TTC33: variants seen among roughly 807,000 people sequenced by gnomAD.
TTC33 encodes the protein tetratricopeptide repeat protein 33.
A neutral mutation model predicts 29.4 loss-of-function variants in TTC33; 24 were observed. That is an observed-to-expected ratio of 0.82 (90% CI 0.59 to 1.15). The LOEUF is 1.15. TTC33 is among the 50% of genes most tolerant of loss of function. TTC33 has a pLI of 0.00. For synonymous variants in TTC33, 107 were observed against 100.3 expected (o/e 1.07, Z -0.40); for missense variants, 286 against 310.4 (o/e 0.92, Z 0.59).
Position 40,730,250 on chromosome 5 carries a change from C to A in TTC33, c.303+12G>T. On this transcript the variant is annotated intron_variant, in intron 3 of 4. Coordinates refer to ENST00000337702, the MANE Select transcript of TTC33 (RefSeq NM_012382.3). ...ATTTCATAAGGAAAGTGAAATTCTT[C>A]ATAATTATTACCTGTGATTTCATCT... 1.3e-6 allele frequency: 2 copies of A among 1,587,038 alleles called. No individual in the cohort carries two copies. Among genetic ancestry groups the A allele is most frequent in the Non-Finnish European group, 1.7e-6 (2 of 1,161,438 alleles).
chr5:40,736,018 C>T (rs1742542273), intron 2 of TTC33, among the ~76,000 whole-genome samples: 1 of 152,024 alleles, frequency 6.6e-6, no homozygotes, highest in African/African-American at 2.4e-5. Flanking sequence ...GTTTGCATGC[C>T]AGCAAGAAGG....
intron 4 of TTC33, among the ~76,000 whole-genome samples, chr5:40,723,524 A>G (rs1452409517): frequency 3.9e-5 from 6 of 152,088 alleles, no homozygotes; most frequent in African/African-American, 1.2e-4. Context: ...AAAAAAAAAA[A>G]AAAAGAAATA....
chr5:40,725,267 G>A (rs1032929264), intron 4 of TTC33, among the ~76,000 whole-genome samples: 1 of 151,030 alleles, frequency 6.6e-6, no homozygotes, highest in Admixed American at 6.6e-5. Flanking sequence ...GATTATACGC[G>A]TGAGCCAGGA....
At position 40,712,858 on chromosome 5, in the gene TTC33, G is replaced by A. The variant is rs1741924130; in HGVS notation, c.*3287C>T. 6.6e-6 allele frequency among the ~76,000 whole-genome samples: 1 copy of A among 152,212 alleles called. No individual in the cohort carries two copies. Among genetic ancestry groups the A allele is most frequent in the South Asian group, 2.1e-4 (1 of 4,824 alleles). ...CTGACCAAAGTAGTTCATATATAGT[G>A]CACATTAGGGCATGATTCATGTTAC... On this transcript the variant is annotated 3_prime_UTR_variant, in exon 5 of 5. Coordinates refer to ENST00000337702, the MANE Select transcript of TTC33 (RefSeq NM_012382.3).
chr5:40,742,606 G>A (rs1742717232), intron 2 of TTC33, among the ~76,000 whole-genome samples: 1 of 152,134 alleles, frequency 6.6e-6, no homozygotes, highest in Non-Finnish European at 1.5e-5. Context: ...CATAAACAAA[G>A]CCTTCTGTAC....
Position 40,746,938 on chromosome 5 carries a change from A to G in TTC33, c.81T>C (p.Ala27=), listed in dbSNP as rs764516034. 6.2e-7 allele frequency: 1 copy of G among 1,614,222 alleles called. No homozygotes were observed. The highest frequency in any genetic ancestry group is 1.7e-5 in the Admixed American group (1 of 60,024). The change falls in exon 2 of 5, where the codon GCT becomes GCC. Residue 27 remains alanine, a synonymous_variant. Coordinates refer to ENST00000337702, the MANE Select transcript of TTC33 (RefSeq NM_012382.3). ...CGTTGTCAACTACATCCTTCTCATC[A>G]GCAGCTTCAGCTTCAAACTGCTGGG... The part of the protein sequence containing the change: ...VTSQQFEAEA[A]DEKDVVDNDE...
chr5:40,743,618 C>A (rs768835696), intron 2 of TTC33, among the ~76,000 whole-genome samples: 1 of 151,354 alleles, frequency 6.6e-6, no homozygotes, highest in Non-Finnish European at 1.5e-5. Context: ...ACTAAGAATA[C>A]AAAAATTAGC....
At chr5:40,732,159 G>A (rs1465468245) in intron 2 of TTC33, among the ~76,000 whole-genome samples, 3 of 152,100 alleles carry the variant, frequency 2.0e-5, no homozygotes, top group Non-Finnish European at 2.9e-5. Flanking sequence ...ACAGGCATAT[G>A]CCACTATGGC....
At chr5:40,751,849 C>G (rs1221857564) in intron 1 of TTC33, among the ~76,000 whole-genome samples, 2 of 151,564 alleles carry the variant, frequency 1.3e-5, no homozygotes, top group Non-Finnish European at 2.9e-5. Flanking sequence ...CCCAGCTGCT[C>G]GGGAGGCTGA....
At chr5:40,735,670 G>A (rs769572005) in intron 2 of TTC33, among the ~76,000 whole-genome samples, 2 of 152,194 alleles carry the variant, frequency 1.3e-5, no homozygotes, top group African/African-American at 4.8e-5. Context: ...GAGAGCAAAA[G>A]GAAAGGAGCA....
intron 1 of TTC33, among the ~76,000 whole-genome samples, chr5:40,750,301 G>A (rs1742871473): frequency 6.6e-6 from 1 of 152,108 alleles, no homozygotes; most frequent in Non-Finnish European, 1.5e-5. Flanking sequence ...CAGGCATGTT[G>A]GCTCACGCCT....
intron 1 of TTC33, among the ~76,000 whole-genome samples, chr5:40,752,241 T>C (rs1276072771): frequency 6.6e-6 from 1 of 152,226 alleles, no homozygotes; most frequent in African/African-American, 2.4e-5. Flanking sequence ...TTGATCTATC[T>C]AGACCATTCA....
intron 2 of TTC33, among the ~76,000 whole-genome samples, chr5:40,745,246 C>T (rs1742768450): frequency 1.3e-5 from 2 of 152,082 alleles, no homozygotes; most frequent in Non-Finnish European, 2.9e-5. Flanking sequence ...AAAACCTAAA[C>T]ATGAACTAAT....
chr5:40,720,415 CCTAT>C (rs1172929240), intron 4 of TTC33, among the ~76,000 whole-genome samples: 9 of 152,242 alleles, frequency 5.9e-5, no homozygotes, highest in Non-Finnish European at 1.0e-4. Context: ...CTACATTATG[CCTAT>C]CTAAGTACTA....
intron 2 of TTC33, among the ~76,000 whole-genome samples, chr5:40,737,560 A>C (rs1244670896): frequency 6.6e-6 from 1 of 152,228 alleles, no homozygotes; most frequent in Non-Finnish European, 1.5e-5. Context: ...AGCACTCAAA[A>C]CTTTGTTTTT....
rs749634738 is a variant in TTC33, at chr5:40,738,229, C to T, written c.222-7886G>A. 4.0e-5 allele frequency among the ~76,000 whole-genome samples: 6 copies of T among 151,796 alleles called. No individual in the cohort carries two copies. In the East Asian group the frequency reaches 5.8e-4, roughly 15 times the overall value. On this transcript the variant is annotated intron_variant, in intron 2 of 4. Transcript: ENST00000337702. Reference sequence around the variant, plus strand: ...GAGTTTGAGATCAGGCTGGCCAAGACGGTGAAACCCTGTCTCTACTAAAAA... The same window carrying T: ...GAGTTTGAGATCAGGCTGGCCAAGATGGTGAAACCCTGTCTCTACTAAAAA...
chr5:40,746,782 A>C lies in TTC33; in HGVS notation c.221+16T>G, dbSNP rs767510711. On this transcript the variant is annotated intron_variant, in intron 2 of 4. Transcript: ENST00000337702. ...TGTAAGCTCTTCTCCATAAAAAAAA[A>C]ACTTTAAATACATACCTTTTATTTT... 2.5e-6 allele frequency: 4 copies of C among 1,586,650 alleles called. No individual in the cohort carries two copies. In the African/African-American group the frequency reaches 5.5e-5, roughly 22 times the overall value.
At chr5:40,728,833 A>C (rs990842302) in intron 3 of TTC33, among the ~76,000 whole-genome samples, 2 of 152,192 alleles carry the variant, frequency 1.3e-5, no homozygotes, top group African/African-American at 4.8e-5. Flanking sequence ...TATTGCCATT[A>C]AACTAGGTGA....
intron 2 of TTC33, among the ~76,000 whole-genome samples, chr5:40,746,385 T>A (rs1045961908): frequency 6.6e-6 from 1 of 151,288 alleles, no homozygotes; most frequent in African/African-American, 2.5e-5. Context: ...AAATACCTAT[T>A]TTTTTTTATG....
Sources: gnomAD v4.1 joint callset for allele counts (sites outside exome capture counted in the v4.1 genomes callset) on GRCh38, gnomAD v4.1.1 for gene constraint, MANE v1.5 for transcripts, NCBI Gene and HGNC (gene_info 2026-07-23, HGNC 2026-07-21) for gene names.